The following CCP110 variants were observed in gnomAD, a reference collection of about 807,000 sequenced individuals.
CCP110 encodes centriolar coiled-coil protein of 110 kDa.
CCP110 carries 43 observed loss-of-function variants against 105.5 expected under a neutral mutation model. The ratio of observed to expected loss-of-function variants is 0.41; its 90% CI spans 0.32 to 0.53. CCP110 has a LOEUF of 0.53. Ranked by LOEUF, CCP110 falls within the 20% of genes least tolerant of loss-of-function variation. The pLI, the probability that CCP110 is intolerant of heterozygous loss-of-function variation, is 0.32. For synonymous variants in CCP110, 353 were observed against 392.1 expected (o/e 0.90, Z 1.18); for missense variants, 1,016 against 1,189.1 (o/e 0.85, Z 2.14).
chr16:19,538,888 G>A (rs1203898397), intron 4 of CCP110, among the ~76,000 whole-genome samples: 1 of 151,938 alleles, frequency 6.6e-6, no homozygotes, highest in Non-Finnish European at 1.5e-5. Context: ...GAGGTGGGTG[G>A]ATCACTTGAG....
intron 2 of CCP110, among the ~76,000 whole-genome samples, chr16:19,529,356 C>G (rs1411858980): frequency 1.3e-5 from 2 of 152,076 alleles, no homozygotes; most frequent in Non-Finnish European, 2.9e-5. Flanking sequence ...TTTGGTATAA[C>G]AGGAGTTAAG....
At chr16:19,529,018 G>A (rs769192421) in intron 2 of CCP110, among the ~76,000 whole-genome samples, 1 of 152,240 alleles carries the variant, frequency 6.6e-6, no homozygotes, top group Non-Finnish European at 1.5e-5. Context: ...CTTACTTGCT[G>A]TGTAAACTTG....
intron 1 of CCP110, chr16:19,526,883 A>G (rs1455263131): frequency 6.6e-6 from 1 of 152,184 alleles, no homozygotes; most frequent in African/African-American, 2.4e-5. Context: ...ACATGATTGT[A>G]TTCTATTTTC....
exon 15 of CCP110, chr16:19,552,208 A>G (rs554116124): frequency 2.0e-5 from 3 of 152,274 alleles, no homozygotes; most frequent in African/African-American, 4.8e-5. Flanking sequence ...CCCATGTTTA[A>G]GATTTTTCAT....
chr16:19,539,501 G>A (rs1257047974), intron 4 of CCP110, among the ~76,000 whole-genome samples: 1 of 151,742 alleles, frequency 6.6e-6, no homozygotes, highest in South Asian at 2.1e-4. Context: ...AGATTTACAG[G>A]CATGCGCCAC....
chr16:19,536,805 G>A lies in CCP110; in HGVS notation c.1136G>A (p.Arg379His), dbSNP rs146335974. 246 of 1,613,962 alleles carry A rather than the reference G, an allele frequency of 1.5e-4. No homozygotes were observed. The highest frequency in any genetic ancestry group is 3.6e-4 in the South Asian group (33 of 91,078). Residue 379 changes from arginine to histidine, a missense_variant, in exon 4 of 15, where the codon CGT (arginine) becomes CAT (histidine). Physicochemically the swap from Arg to His is conservative, Grantham distance 29 (BLOSUM62 0). Coordinates refer to ENST00000381396, the Ensembl canonical transcript of CCP110. ...ATGAGTCCTAAAATGCACCGAAGAC[G>A]TTCCAGGACATCATCAGCGTGTCAT...
chr16:19,545,988 A>T (rs1283430529), intron 11 of CCP110, 98 bp downstream of exon 11: 2 of 711,018 alleles, frequency 2.8e-6, no homozygotes, highest in African/African-American at 3.6e-5. Context: ...TAAAGAGTTA[A>T]TTTTTCTGCA....
chr16:19,536,929 T>C, exon 4 of CCP110: 4 of 1,614,162 alleles, frequency 2.5e-6, no homozygotes, highest in Non-Finnish European at 3.4e-6. Context: ...AAAACACAAA[T>C]GTGCCCGAAA....
chr16:19,543,065 A>C, intron 8 of CCP110, 71 bp downstream of exon 8: 1 of 862,386 alleles, frequency 1.2e-6, no homozygotes, highest in South Asian at 1.5e-5. Flanking sequence ...CAGCTGAGCT[A>C]ACAGATTAGT....
chr16:19,545,984 G>A (rs888509706), intron 11 of CCP110, 94 bp downstream of exon 11: 1 of 743,476 alleles, frequency 1.3e-6, no homozygotes, highest in Non-Finnish European at 2.2e-6. Flanking sequence ...GAAATAAAGA[G>A]TTAATTTTTC....
At chr16:19,533,629 GA>G (rs1969950658) in intron 3 of CCP110, among the ~76,000 whole-genome samples, 2 of 152,296 alleles carry the variant, frequency 1.3e-5, no homozygotes, top group South Asian at 4.1e-4. Context: ...TTTTACATAG[GA>G]TAAAGTAAGC....
Position 19,548,471 on chromosome 16 carries a change from G to GACC in CCP110, c.2901-43_2901-41dup. The GACC allele has an allele frequency of 8.2e-7, 1 of 1,217,212 alleles. No homozygotes were observed. The highest frequency in any genetic ancestry group is 1.4e-5 in the South Asian group (1 of 72,652). 75.4% of individuals were successfully genotyped at this position (1,217,212 alleles called of 1,614,324 possible). On this transcript the variant is annotated intron_variant, in intron 13 of 14. Transcript: ENST00000381396. This position sits in a 1 kb window ranked among gnomAD's most constrained non-coding sequence, Gnocchi z 4.1. ...GCTTTCTTTGAATTTTGAACATTTAGACCTTAATGCCAGTGACTTATTAAT... is the reference window on the plus strand; with the variant it reads ...GCTTTCTTTGAATTTTGAACATTTAGACCACCTTAATGCCAGTGACTTATTAAT...
intron 9 of CCP110, 46 bp from the exon 10 acceptor site, chr16:19,545,048 A>G: frequency 8.3e-7 from 1 of 1,204,496 alleles, no homozygotes; most frequent in Non-Finnish European, 1.2e-6. Flanking sequence ...CTGAACTCTA[A>G]CCTCATCTTT....
intron 2 of CCP110, among the ~76,000 whole-genome samples, chr16:19,530,593 C>T (rs1969830768): frequency 6.6e-6 from 1 of 151,546 alleles, no homozygotes; most frequent in Non-Finnish European, 1.5e-5. Flanking sequence ...TTGCAGTGAG[C>T]CAAGATCCAC....
exon 4 of CCP110, chr16:19,537,159 C>T (rs184551421): frequency 6.2e-7 from 1 of 1,614,156 alleles, no homozygotes; most frequent in Admixed American, 1.7e-5. Context: ...ATGAACAGTA[C>T]CTGTGCTGCG....
At position 19,548,158 on chromosome 16, in the gene CCP110, T is replaced by C. The variant is rs1970523399; in HGVS notation, c.2900+144T>C. ...CTTTATAGCATTGGGAAAGATATTTTAAAGTTTTGTCTTCAAATGTAACCC... is the reference window on the plus strand; with the variant it reads ...CTTTATAGCATTGGGAAAGATATTTCAAAGTTTTGTCTTCAAATGTAACCC... On this transcript the variant is annotated intron_variant, in intron 13 of 14. Transcript: ENST00000381396. The surrounding 1 kb of genome is among the most constrained non-coding windows in gnomAD (Gnocchi z 4.1). 1 of 704,906 alleles carries C rather than the reference T, an allele frequency of 1.4e-6. No individual in the cohort carries two copies. Among genetic ancestry groups the C allele is most frequent in the Non-Finnish European group, 2.5e-6 (1 of 395,410 alleles). 43.7% of individuals were successfully genotyped at this position (704,906 alleles called of 1,614,324 possible).
chr16:19,538,302 C>CTTTTTTT (rs1164690143), intron 4 of CCP110, among the ~76,000 whole-genome samples: 624 of 55,234 alleles, frequency 0.011, 146 homozygotes, highest in African/African-American at 0.033. Flanking sequence ...GGAAACAGTT[C>CTTTTTTT]TTTTTTTTTT....
intron 2 of CCP110, among the ~76,000 whole-genome samples, chr16:19,531,706 G>A (rs1050254834): frequency 4.6e-5 from 7 of 152,184 alleles, no homozygotes; most frequent in South Asian, 2.1e-4. Flanking sequence ...GGTGGCTCGC[G>A]CCTGTAATCC....
intron 3 of CCP110, among the ~76,000 whole-genome samples, chr16:19,533,931 C>G (rs1969962056): frequency 6.6e-6 from 1 of 152,144 alleles, no homozygotes; most frequent in Non-Finnish European, 1.5e-5. Context: ...TTTTCCATTT[C>G]AGTTACTCGA....
Sources: gnomAD v4.1 joint callset for allele counts (sites outside exome capture counted in the v4.1 genomes callset) on GRCh38, gnomAD v4.1.1 for gene constraint, Gnocchi (gnomAD v3.1) non-coding constraint, MANE v1.5 for transcripts, NCBI Gene and HGNC (gene_info 2026-07-23, HGNC 2026-07-21) for gene names.